GLT8D2: variants seen among roughly 807,000 people sequenced by gnomAD.
The protein encoded by GLT8D2 is glycosyltransferase 8 domain-containing protein 2.
In GLT8D2, 45 loss-of-function variants were observed where a neutral mutation model predicts 44.5. That is an observed-to-expected ratio of 1.01 (90% CI 0.80 to 1.30). The LOEUF (loss-of-function observed/expected upper bound fraction) is 1.30. GLT8D2 is among the 50% of genes most tolerant of loss of function. The pLI, the probability that GLT8D2 is intolerant of heterozygous loss-of-function variation, is 0.00. For synonymous variants in GLT8D2, 156 were observed against 157.2 expected, an observed-to-expected ratio of 0.99 and a Z score of 0.06; for missense variants, 400 against 430.4, an observed-to-expected ratio of 0.93 and a Z score of 0.62.
rs780494724 is a variant in GLT8D2 at position 103,999,529 on chromosome 12, A to G, written c.285-15T>C. ...CAATCCATTTTCTAAAAAGATGACC[A>G]AAAAAACCTCTAGTATACCCTTCAA... On this transcript the variant is annotated splice_polypyrimidine_tract_variant and intron_variant, in intron 5 of 10. Coordinates refer to ENST00000360814, the MANE Select transcript of GLT8D2 (RefSeq NM_001384711.1). The G allele has an allele frequency of 1.2e-5, 17 of 1,474,742 alleles. No homozygotes were observed. Among genetic ancestry groups the G allele is most frequent in the Non-Finnish European group, 1.6e-5 (17 of 1,055,262 alleles). The allele number at this position is 1,474,742 out of a possible 1,614,324, so 91.4% of individuals were successfully genotyped here.
chr12:104,043,888 T>A (rs1446432179), intron 1 of GLT8D2, among the ~76,000 whole-genome samples: 1 of 152,222 alleles, frequency 6.6e-6, no homozygotes, highest in Admixed American at 6.5e-5. Flanking sequence ...TCAAAATAGA[T>A]CCAGAATTTT....
upstream of GLT8D2, among the ~76,000 whole-genome samples, chr12:104,051,026 G>T (rs1332386470): frequency 6.6e-6 from 1 of 152,012 alleles, no homozygotes; most frequent in Non-Finnish European, 1.5e-5. Context: ...TGTTGGCCAG[G>T]CTGGTCTCAA....
chr12:104,048,901 C>T (rs894798164), intron 1 of GLT8D2, among the ~76,000 whole-genome samples: 1 of 152,168 alleles, frequency 6.6e-6, no homozygotes, highest in Non-Finnish European at 1.5e-5. Context: ...AGGGTGCATG[C>T]AGTTAAACAA....
At chr12:104,033,556 C>T (rs1290123498) in intron 1 of GLT8D2, among the ~76,000 whole-genome samples, 1 of 152,042 alleles carries the variant, frequency 6.6e-6, no homozygotes, top group Non-Finnish European at 1.5e-5. Context: ...ATAAGATGAG[C>T]AAGTTCTGGA....
At chr12:104,009,694 C>T (rs1176179422) in intron 4 of GLT8D2, among the ~76,000 whole-genome samples, 2 of 152,166 alleles carry the variant, frequency 1.3e-5, no homozygotes, top group African/African-American at 4.8e-5. Flanking sequence ...TTGAATTGTA[C>T]TCCCATATTT....
intron 1 of GLT8D2, among the ~76,000 whole-genome samples, chr12:104,062,943 C>T (rs901916962): frequency 1.3e-5 from 2 of 152,100 alleles, no homozygotes. Context: ...AGATCAACCG[C>T]GCATTAGATT....
chr12:104,023,456 A>G (rs1341847412), intron 1 of GLT8D2, among the ~76,000 whole-genome samples: 1 of 152,214 alleles, frequency 6.6e-6, no homozygotes, highest in Non-Finnish European at 1.5e-5. Flanking sequence ...TTTCATTTTA[A>G]ATAGGCTTCT....
At chr12:103,995,721 T>A (rs1165033419) in intron 8 of GLT8D2, among the ~76,000 whole-genome samples, 1 of 152,246 alleles carries the variant, frequency 6.6e-6, no homozygotes, top group Non-Finnish European at 1.5e-5. Context: ...TGAATGAATG[T>A]TGTACAGGGC....
At chr12:104,015,665 G>T (rs1876483459) in intron 3 of GLT8D2, among the ~76,000 whole-genome samples, 1 of 152,116 alleles carries the variant, frequency 6.6e-6, no homozygotes, top group Non-Finnish European at 1.5e-5. Context: ...TTGTATATCA[G>T]TTCTAATAGT....
intron 1 of GLT8D2, among the ~76,000 whole-genome samples, chr12:104,044,846 G>A (rs368267460): frequency 3.5e-4 from 54 of 152,192 alleles, no homozygotes; most frequent in African/African-American, 1.1e-3. Flanking sequence ...TTTCAAGACC[G>A]CTGAAAAGTC....
intron 1 of GLT8D2, among the ~76,000 whole-genome samples, chr12:104,033,806 G>GTATA (rs34091331): frequency 4.1e-5 from 6 of 145,810 alleles, no homozygotes; most frequent in Non-Finnish European, 6.0e-5. Flanking sequence ...GTGTGTGTGT[G>GTATA]TATATATATA....
At chr12:103,993,012 G>A (rs183768314) in intron 10 of GLT8D2, among the ~76,000 whole-genome samples, 10 of 152,212 alleles carry the variant, frequency 6.6e-5, no homozygotes, top group Admixed American at 5.9e-4. Flanking sequence ...CCCTCTCCTC[G>A]CTATGGTGCT....
At chr12:103,992,490 T>TG (rs1872871507) in intron 10 of GLT8D2, among the ~76,000 whole-genome samples, 1 of 137,116 alleles carries the variant, frequency 7.3e-6, no homozygotes, top group Admixed American at 7.1e-5. Context: ...TCTCTCTCTC[T>TG]CTTTTTTTTT....
At chr12:104,024,210 C>T (rs1297871930) in intron 1 of GLT8D2, among the ~76,000 whole-genome samples, 3 of 152,098 alleles carry the variant, frequency 2.0e-5, no homozygotes, top group Non-Finnish European at 4.4e-5. Flanking sequence ...AGTGAGACCC[C>T]TGTCTGTATG....
At chr12:104,012,354 T>C (rs1480414590) in intron 4 of GLT8D2, among the ~76,000 whole-genome samples, 1 of 152,114 alleles carries the variant, frequency 6.6e-6, no homozygotes, top group Non-Finnish European at 1.5e-5. Context: ...ATAACATCGA[T>C]TTTAAAAAAT....
At chr12:104,060,320 T>C (rs1882534770) in intron 1 of GLT8D2, among the ~76,000 whole-genome samples, 1 of 152,212 alleles carries the variant, frequency 6.6e-6, no homozygotes, top group South Asian at 2.1e-4. Context: ...TCCTCCTAGG[T>C]TGTTGTTTCC....
At chr12:104,028,196 T>G (rs967584528) in intron 1 of GLT8D2, among the ~76,000 whole-genome samples, 3 of 152,198 alleles carry the variant, frequency 2.0e-5, no homozygotes, top group African/African-American at 7.2e-5. Flanking sequence ...AGCTGATTAT[T>G]GTAGGAAACC....
chr12:104,051,531 G>A (rs1294728833), upstream of GLT8D2, among the ~76,000 whole-genome samples: 1 of 152,070 alleles, frequency 6.6e-6, no homozygotes, highest in Non-Finnish European at 1.5e-5. Flanking sequence ...AATATACAAT[G>A]TATAGTGATC....
upstream of GLT8D2, among the ~76,000 whole-genome samples, chr12:104,050,731 A>T (rs1881633127): frequency 6.6e-6 from 1 of 152,138 alleles, no homozygotes; most frequent in African/African-American, 2.4e-5. Context: ...TATTTCCTAT[A>T]AGGATATAAG....
Sources: allele counts gnomAD v4.1 joint callset (sites outside exome capture counted in the v4.1 genomes callset), GRCh38; gene constraint gnomAD v4.1.1; transcripts MANE v1.5; gene names NCBI Gene and HGNC (gene_info 2026-07-23, HGNC 2026-07-21).